ZNF730: variants seen among roughly 807,000 people sequenced by gnomAD.
ZNF730 encodes the protein putative zinc finger protein 730.
In ZNF730, 12 loss-of-function variants were observed where a neutral mutation model predicts 12.6. The observed-to-expected ratio is 0.95, with a 90% CI of 0.61 to 1.54. The LOEUF (loss-of-function observed/expected upper bound fraction) is 1.54, where lower values mean the gene tolerates loss of function less well. ZNF730 is among the 40% of genes most tolerant of loss of function. The probability of loss-of-function intolerance (pLI) is 0.00; values close to 1 mark genes in which losing one functional copy is unlikely to be tolerated. For synonymous variants in ZNF730, 194 were observed against 195.8 expected, an observed-to-expected ratio of 0.99 and a Z score of 0.08; for missense variants, 643 against 583.5, an observed-to-expected ratio of 1.10 and a Z score of -1.05.
At chr19:23,098,437 C>T (rs1568305087) in intron 1 of ZNF730, 1 of 152,302 alleles carries the variant, frequency 6.6e-6, no homozygotes, top group Non-Finnish European at 1.5e-5. Context: ...TCTGCTCTGC[C>T]TGAGAACCAC....
chr19:23,099,567 G>A (rs1970305544), intron 1 of ZNF730, among the ~76,000 whole-genome samples: 1 of 152,180 alleles, frequency 6.6e-6, no homozygotes, highest in South Asian at 2.1e-4. Context: ...TTGGGTTGAT[G>A]ACTCTTTAAC....
chr19:23,123,223 A>G (rs994130885), intron 1 of ZNF730: 3 of 152,210 alleles, frequency 2.0e-5, no homozygotes, highest in African/African-American at 7.2e-5. Flanking sequence ...ATGTATTCCA[A>G]TATAGATCCC....
intron 1 of ZNF730, among the ~76,000 whole-genome samples, chr19:23,105,411 C>G (rs1434685401): frequency 6.6e-6 from 1 of 152,056 alleles, no homozygotes; most frequent in Non-Finnish European, 1.5e-5. Context: ...CCATGCCTGG[C>G]CAGAACCCAA....
intron 3 of ZNF730, 93 bp from the exon 4 acceptor site, chr19:23,145,178 C>T: frequency 2.3e-6 from 2 of 872,966 alleles, no homozygotes; most frequent in South Asian, 6.6e-5. Context: ...GCTATGCTAT[C>T]TTGTTATGTA....
intron 1 of ZNF730, among the ~76,000 whole-genome samples, chr19:23,107,445 A>T (rs1599582286): frequency 9.2e-6 from 1 of 108,294 alleles, no homozygotes; most frequent in African/African-American, 3.7e-5. Context: ...TAAAAAAAAA[A>T]TACCAAAAAA....
intron 1 of ZNF730, among the ~76,000 whole-genome samples, chr19:23,092,988 G>A (rs1157944855): frequency 6.6e-6 from 1 of 151,790 alleles, no homozygotes; most frequent in South Asian, 2.1e-4. Flanking sequence ...TTGTTTTTTT[G>A]TTTTTGTTTT....
Position 23,147,000 on chromosome 19 carries a change from G to A in ZNF730, c.*444G>A. ...AAGAATGTGACAAAGCCATTAAATT[G>A]TTGTCACATTTAATTGTAGGTAAGG... On this transcript the variant is annotated 3_prime_UTR_variant, in exon 4 of 4. Coordinates refer to ENST00000597761, the MANE Select transcript of ZNF730 (RefSeq NM_001277403.2). The A allele has an allele frequency of 3.0e-6, 1 of 330,240 alleles. No individual in the cohort carries two copies. Among genetic ancestry groups the A allele is most frequent in the Non-Finnish European group, 5.7e-6 (1 of 173,966 alleles). The allele number at this position is 330,240 out of a possible 1,614,324, so 20.5% of individuals were successfully genotyped here.
At chr19:23,079,633 C>T (rs1435740405) in intron 1 of ZNF730, among the ~76,000 whole-genome samples, 1 of 152,136 alleles carries the variant, frequency 6.6e-6, no homozygotes, top group Non-Finnish European at 1.5e-5. Context: ...TAAAAACATG[C>T]AATAGTCATT....
Position 23,145,358 on chromosome 19 carries a change from A to G in ZNF730, c.314A>G (p.Lys105Arg). 1 of 1,595,622 alleles carries G rather than the reference A, an allele frequency of 6.3e-7. No individual in the cohort carries two copies. The highest frequency in any genetic ancestry group is 8.5e-7 in the Non-Finnish European group (1 of 1,171,752). The change falls in exon 4 of 4, where the codon AAA (lysine) becomes AGA (arginine). Residue 105 changes from lysine (K) to arginine (R), a missense_variant. Lys to Arg is a conservative substitution (Grantham distance 26). Transcript: ENST00000597761. The part of the protein sequence containing the change: ...FQEVILRQYK[K>R]CRHENLLLRK... ...GAAGTCATACTGAGACAATATAAAA[A>G]ATGTAGACATGAGAATTTACTGTTA... is the stretch of plus-strand genomic sequence containing the variant.
chr19:23,145,970 A>G lies in ZNF730; in HGVS notation c.926A>G (p.Glu309Gly), dbSNP rs757386510. 3.7e-6 allele frequency: 6 copies of G among 1,607,720 alleles called. No individual in the cohort carries two copies. In the East Asian group the frequency reaches 1.3e-4, roughly 36 times the overall value. ...LTEHKKIHTK[E>G]QPYKCEKCGK... ...GAACATAAGAAAATTCATACTAAAG[A>G]GCAACCATACAAATGCGAAAAATGT... The change falls in exon 4 of 4, where the codon GAG (glutamate) becomes GGG (glycine). Residue 309 changes from glutamate (E) to glycine (G), a missense_variant. Coordinates refer to ENST00000597761, the MANE Select transcript of ZNF730 (RefSeq NM_001277403.2).
chr19:23,098,610 T>C (rs1480113110), intron 1 of ZNF730, among the ~76,000 whole-genome samples: 2 of 152,170 alleles, frequency 1.3e-5, no homozygotes, highest in Admixed American at 6.5e-5. Flanking sequence ...GATTGTGACA[T>C]AGTGCAGGGT....
intron 1 of ZNF730, among the ~76,000 whole-genome samples, chr19:23,133,449 C>T (rs1388088727): frequency 1.3e-5 from 2 of 152,186 alleles, no homozygotes; most frequent in Admixed American, 6.5e-5. Flanking sequence ...TCAAGCAATT[C>T]GCCTGCCTCA....
intron 1 of ZNF730, among the ~76,000 whole-genome samples, chr19:23,132,559 T>G (rs1362310620): frequency 6.6e-6 from 1 of 150,406 alleles, no homozygotes; most frequent in Non-Finnish European, 1.5e-5. Flanking sequence ...GCCATGATTC[T>G]CACCATGAAT....
chr19:23,076,762 A>G (rs1969869589), intron 1 of ZNF730, among the ~76,000 whole-genome samples: 2 of 152,126 alleles, frequency 1.3e-5, no homozygotes, highest in Admixed American at 1.3e-4. Flanking sequence ...CAGTTCACCT[A>G]TTGTCGACAG....
At chr19:23,118,792 A>C (rs948297259) in intron 1 of ZNF730, among the ~76,000 whole-genome samples, 2 of 152,154 alleles carry the variant, frequency 1.3e-5, no homozygotes, top group African/African-American at 4.8e-5. Context: ...CAAATGGCAG[A>C]TTTTACCTAT....
intron 1 of ZNF730, among the ~76,000 whole-genome samples, chr19:23,094,286 CT>C (rs918132377): frequency 0.013 from 1,656 of 129,956 alleles, 33 homozygotes; most frequent in African/African-American, 0.041. Flanking sequence ...TTTTTCTTTT[CT>C]TTTTTTTTTT....
intron 1 of ZNF730, among the ~76,000 whole-genome samples, chr19:23,103,389 C>T (rs914298394): frequency 6.6e-5 from 10 of 152,166 alleles, no homozygotes. Context: ...ACTCGTAATG[C>T]ACTAATCTGC....
intron 1 of ZNF730, among the ~76,000 whole-genome samples, chr19:23,096,152 C>G (rs1970247026): frequency 6.6e-6 from 1 of 151,946 alleles, no homozygotes; most frequent in Non-Finnish European, 1.5e-5. Context: ...TCTGTGAGAC[C>G]CTCAATTAGG....
rs562274569 is a variant in ZNF730 at position 23,088,706 on chromosome 19, C to T, written c.-94+13319C>T. ...TCTTGAACTCCTGACCTCAAGTGAT[C>T]TGCCTACCTCAGCTTCCCAAAGTGC... is the stretch of plus-strand genomic sequence containing the variant. On this transcript the variant is annotated intron_variant, in intron 1 of 2. Coordinates refer to the ZNF730 transcript ENST00000593635. 9.3e-4 allele frequency among the ~76,000 whole-genome samples: 142 copies of T among 152,190 alleles called. 1 individual carries two copies. The highest frequency in any genetic ancestry group is 3.4e-3 in the Middle Eastern group (1 of 294).
Sources: allele counts gnomAD v4.1 joint callset (sites outside exome capture counted in the v4.1 genomes callset), GRCh38; gene constraint gnomAD v4.1.1; transcripts MANE v1.5; gene names NCBI Gene and HGNC (gene_info 2026-07-23, HGNC 2026-07-21).